The following KIF7 variants were observed in gnomAD, a reference collection of about 807,000 sequenced individuals.
The protein encoded by KIF7 is kinesin-like protein KIF7.
Under a neutral mutation model 135.7 loss-of-function variants are expected in KIF7, and 104 were observed. The observed-to-expected ratio is 0.77, with a 90% CI of 0.65 to 0.90. The LOEUF (loss-of-function observed/expected upper bound fraction) is 0.90, where lower values mean the gene tolerates loss of function less well. KIF7 is among the 40% of genes least tolerant of loss of function. KIF7 has a pLI of 0.00. For missense variants in KIF7, 2,005 were observed against 1,839.1 expected (o/e 1.09, Z -1.65); for synonymous variants, 883 against 809.4 (o/e 1.09, Z -1.54).
Position 89,640,459 on chromosome 15 carries a change from C to G in KIF7, c.2394+1744G>C, listed in dbSNP as rs374577973. ...TATCCCTATTTTACAGATCAGAAAA[C>G]TGAGGCAGAGAGGTTAGGAAACTTG... On this transcript the variant is annotated intron_variant, in intron 11 of 18. Transcript: ENST00000394412. 2.6e-5 allele frequency among the ~76,000 whole-genome samples: 4 copies of G among 152,058 alleles called. No individual in the cohort carries two copies. In the South Asian group the frequency reaches 6.2e-4, roughly 24 times the overall value.
rs753854888 is a variant in KIF7, at chr15:89,645,038, C to T, written c.2166G>A (p.Glu722=). 4 of 1,608,010 alleles carry T rather than the reference C, an allele frequency of 2.5e-6. No individual in the cohort carries two copies. Among genetic ancestry groups the T allele is most frequent in the East Asian group, 2.2e-5 (1 of 44,878 alleles). Residue 722 remains glutamate, a synonymous_variant, in exon 10 of 19, where the codon GAG becomes GAA. Transcript: ENST00000394412. Reference sequence around the variant, plus strand: ...CTGTGCGGACCAGCTCGCCAATAAGCTCCTCCTTCATGCGGATGTTGATAG... The same window carrying T: ...CTGTGCGGACCAGCTCGCCAATAAGTTCCTCCTTCATGCGGATGTTGATAG... ...ELAINIRMKE[E]LIGELVRTGK...
chr15:89,633,004 AAAGT>A lies in KIF7; in HGVS notation c.2719-12_2719-9del. 1.5e-6 allele frequency: 1 copy of A among 645,726 alleles called. No homozygotes were observed. Among genetic ancestry groups the A allele is most frequent in the Non-Finnish European group, 2.3e-6 (1 of 432,110 alleles). 40.0% of individuals were successfully genotyped at this position (645,726 alleles called of 1,614,324 possible). ...CTTCTGCTCCTCAATCTTCTAAGGA[AAAGT>A]AGGGAGGGAGGGAGGGAACTCAGGG... On this transcript the variant is annotated splice_polypyrimidine_tract_variant and intron_variant, in intron 13 of 18. Coordinates refer to ENST00000394412, the MANE Select transcript of KIF7 (RefSeq NM_198525.3).
At chr15:89,627,217 GT>G, downstream of KIF7, 2 of 1,129,526 alleles carry the variant, frequency 1.8e-6, no homozygotes, top group Non-Finnish European at 1.3e-6. Flanking sequence ...ATGCCTTAGG[GT>G]TTTCTAATTC....
Position 89,633,728 on chromosome 15 carries a change from C to CCGCTTCTGCTCCGTCTCCT in KIF7, c.2531_2549dup (p.Arg851GlyfsTer27). 6.2e-7 allele frequency: 1 copy of CCGCTTCTGCTCCGTCTCCT among 1,608,826 alleles called. No homozygotes were observed. The highest frequency in any genetic ancestry group is 2.2e-5 in the East Asian group (1 of 44,864). Reference sequence around the variant, plus strand: ...GCTTGCTCATTTCTGCCTCCAGGCGCCGCTTCTGCTCCGTCTCCTCGCGAA... The same window carrying CCGCTTCTGCTCCGTCTCCT: ...GCTTGCTCATTTCTGCCTCCAGGCGCCGCTTCTGCTCCGTCTCCTCGCTTCTGCTCCGTCTCCTCGCGAA... On this transcript the variant is annotated frameshift_variant, in exon 12 of 19. Coordinates refer to ENST00000394412, the MANE Select transcript of KIF7 (RefSeq NM_198525.3). LOFTEE classifies it high-confidence loss of function.
intron 11 of KIF7, among the ~76,000 whole-genome samples, chr15:89,639,362 A>G (rs915382541): frequency 6.1e-5 from 9 of 147,238 alleles, no homozygotes; most frequent in South Asian, 4.3e-4. Context: ...GCAACCTACA[A>G]AATGGGAGAA....
rs549374859 is a variant in KIF7, at chr15:89,634,731, G to T, written c.2395-848C>A. ...CAGCAGTCGGAGATCAAACTGCAAG[G>T]TGGCAGCGAGGCTGGGGGAGGGGTG... On this transcript the variant is annotated intron_variant, in intron 11 of 18. Transcript: ENST00000394412. Among the ~76,000 whole-genome samples the T allele has an allele frequency of 4.6e-5, 7 of 152,348 alleles. No homozygotes were observed. The East Asian group carries it at 1.4e-3, about 29-fold the overall frequency.
intron 15 of KIF7, 54 bp downstream of exon 15, chr15:89,631,441 G>A: frequency 6.9e-7 from 1 of 1,455,084 alleles, no homozygotes; most frequent in South Asian, 1.2e-5. Flanking sequence ...GAGGAGAGCA[G>A]ACAGACAGGC....
upstream of KIF7, among the ~76,000 whole-genome samples, chr15:89,656,277 G>T (rs1964206053): frequency 6.6e-6 from 1 of 151,936 alleles, no homozygotes; most frequent in African/African-American, 2.4e-5. Context: ...TTATCTCGGG[G>T]AACAGTGAAA....
chr15:89,629,546 G>GCT lies in KIF7; in HGVS notation c.3345_3346insAG (p.Gln1116SerfsTer39). The GCT allele has an allele frequency of 6.2e-7, 1 of 1,607,200 alleles. No individual in the cohort carries two copies. The highest frequency in any genetic ancestry group is 8.5e-7 in the Non-Finnish European group (1 of 1,178,458). Reference sequence around the variant, plus strand: ...AGTTCCGAGAAGGCAATCTGCTGCTGGTGCTGCTCCTCTCGGAGCGTCACC... The same window carrying GCT: ...AGTTCCGAGAAGGCAATCTGCTGCTGCTGTGCTGCTCCTCTCGGAGCGTCACC... On this transcript the variant is annotated frameshift_variant, in exon 17 of 19. Coordinates refer to ENST00000394412, the MANE Select transcript of KIF7 (RefSeq NM_198525.3). LOFTEE classifies it high-confidence loss of function.
intron 14 of KIF7, 119 bp from the exon 15 acceptor site, chr15:89,631,829 A>C: frequency 2.3e-5 from 19 of 836,102 alleles, no homozygotes; most frequent in Non-Finnish European, 3.0e-5. Context: ...AACACTCCAA[A>C]TGTTCTGCTC....
chr15:89,617,328 TAATTA>T (rs1472828946), intron 2 of KIF7, among the ~76,000 whole-genome samples: 1 of 152,240 alleles, frequency 6.6e-6, no homozygotes, highest in Non-Finnish European at 1.5e-5. Flanking sequence ...TATATATTTT[TAATTA>T]AATTTTTTAT....
chr15:89,630,438 A>G lies in KIF7; in HGVS notation c.3167T>C (p.Ile1056Thr), dbSNP rs1963648280. The change falls in exon 16 of 19, where the codon ATT becomes ACT. Residue 1056 changes from isoleucine (I) to threonine (T), a missense_variant. Coordinates refer to ENST00000394412, the MANE Select transcript of KIF7 (RefSeq NM_198525.3). Reference sequence around the variant, plus strand: ...TGTGATGGCCTCATTCTTATACTCAATGGCAGCATCCAGGGCCTCGATGGC... The same window carrying G: ...TGTGATGGCCTCATTCTTATACTCAGTGGCAGCATCCAGGGCCTCGATGGC... ...DEAIEALDAAIEYKNEAITCR... is the reference protein window; with the variant it reads ...DEAIEALDAATEYKNEAITCR... 2 of 1,593,224 alleles carry G rather than the reference A, an allele frequency of 1.3e-6. No homozygotes were observed. Among genetic ancestry groups the G allele is most frequent in the Non-Finnish European group, 1.7e-6 (2 of 1,169,608 alleles).
Position 89,629,373 on chromosome 15 carries a change from A to T in KIF7, c.3517+2T>A. On this transcript the variant is annotated splice_donor_variant, in intron 17 of 18. Transcript: ENST00000394412. LOFTEE classifies it high-confidence loss of function. ...TTGTGAGCCATGGGCCGGGCTGCTCACCTCGACTCTGCTGCAGGAGCAGCT... is the reference window on the plus strand; with the variant it reads ...TTGTGAGCCATGGGCCGGGCTGCTCTCCTCGACTCTGCTGCAGGAGCAGCT... 6.3e-7 allele frequency: 1 copy of T among 1,591,074 alleles called. No homozygotes were observed. The highest frequency in any genetic ancestry group is 8.5e-7 in the Non-Finnish European group (1 of 1,174,124).
chr15:89,621,501 A>C (rs1241199709), intron 1 of KIF7: 1 of 1,614,022 alleles, frequency 6.2e-7, no homozygotes, highest in Admixed American at 1.7e-5. Flanking sequence ...GCTCGAATGA[A>C]AAAGCGTTCA....
chr15:89,660,656 A>G, the KIF7 span, among the ~76,000 whole-genome samples: 3 of 152,228 alleles, frequency 2.0e-5, no homozygotes, highest in African/African-American at 7.2e-5. Context: ...TACAGGAGAC[A>G]GAAATAAACT....
In KIF7 at chr15:89,628,190, G is replaced by T; in HGVS notation, c.*229C>A. On this transcript the variant is annotated 3_prime_UTR_variant, in exon 19 of 19. Transcript: ENST00000394412. ...GAGCAAGACACAAGGCGGCAATTGG[G>T]TACCACAGCTTCATGGAAGTAAGTG... 2.0e-6 allele frequency: 1 copy of T among 503,198 alleles called. No homozygotes were observed. The highest frequency in any genetic ancestry group is 4.3e-5 in the South Asian group (1 of 23,414). 31.2% of individuals were successfully genotyped at this position (503,198 alleles called of 1,614,324 possible). A position where few individuals can be genotyped will look rare whatever the true frequency, so the allele number is the denominator to read the frequency against.
At chr15:89,645,714 C>A (rs1387228127) in intron 8 of KIF7, among the ~76,000 whole-genome samples, 179 bp downstream of exon 8, 1 of 152,150 alleles carries the variant, frequency 6.6e-6, no homozygotes, top group Non-Finnish European at 1.5e-5. Flanking sequence ...TCCAGTGAGA[C>A]CTTTCGGCTC....
intron 7 of KIF7, among the ~76,000 whole-genome samples, chr15:89,646,473 AAG>A (rs1964014845): frequency 1.3e-5 from 2 of 152,134 alleles, no homozygotes; most frequent in South Asian, 2.1e-4. Context: ...TGAACTTGCA[AAG>A]AGAGCCATCC....
intron 11 of KIF7, among the ~76,000 whole-genome samples, chr15:89,638,297 G>A (rs1963851822): frequency 7.5e-6 from 1 of 132,536 alleles, no homozygotes; most frequent in Non-Finnish European, 1.6e-5. Flanking sequence ...GTTCTGGCCA[G>A]GGCAATTAGG....
Sources: gnomAD v4.1 joint callset for allele counts (sites outside exome capture counted in the v4.1 genomes callset) on GRCh38, gnomAD v4.1.1 for gene constraint, MANE v1.5 for transcripts, NCBI Gene and HGNC (gene_info 2026-07-23, HGNC 2026-07-21) for gene names.